GUCY1A2: variants seen among roughly 807,000 people sequenced by gnomAD.
GUCY1A2 encodes the protein guanylate cyclase 1 soluble subunit alpha 2.
Under a neutral mutation model 63.5 loss-of-function variants are expected in GUCY1A2, and 27 were observed. That is an observed-to-expected ratio of 0.43 (90% CI 0.31 to 0.59). The LOEUF (loss-of-function observed/expected upper bound fraction) is 0.59, where lower values mean the gene tolerates loss of function less well. Among genes scored for constraint, GUCY1A2 ranks in the 20% least tolerant of loss-of-function variants. GUCY1A2 has a pLI of 0.11. For synonymous variants in GUCY1A2, 364 were observed against 343.5 expected, an observed-to-expected ratio of 1.06 and a Z score of -0.66; for missense variants, 768 against 913.3, an observed-to-expected ratio of 0.84 and a Z score of 2.05.
intron 4 of GUCY1A2, among the ~76,000 whole-genome samples, chr11:106,867,093 A>C (rs1175926546): frequency 1.3e-5 from 2 of 152,070 alleles, no homozygotes; most frequent in African/African-American, 2.4e-5. Flanking sequence ...TTAATTAAAA[A>C]TAAAGTGCTA....
intron 4 of GUCY1A2, among the ~76,000 whole-genome samples, chr11:106,841,387 A>T (rs1283612406): frequency 6.6e-6 from 1 of 151,872 alleles, no homozygotes; most frequent in Non-Finnish European, 1.5e-5. Flanking sequence ...TGTATAATTA[A>T]AGTCCACCTT....
At chr11:107,010,454 T>C (rs1861727698) in intron 1 of GUCY1A2, among the ~76,000 whole-genome samples, 1 of 152,180 alleles carries the variant, frequency 6.6e-6, no homozygotes, top group Admixed American at 6.5e-5. Flanking sequence ...TAAAATATTA[T>C]ATAAATGGAC....
rs1195571424 is a variant in GUCY1A2, at chr11:106,846,015, C to T, written c.1207-35537G>A. Among the ~76,000 whole-genome samples the T allele has an allele frequency of 2.0e-5, 3 of 151,484 alleles. No homozygotes were observed. In the East Asian group the frequency reaches 5.8e-4, roughly 29 times the overall value. On this transcript the variant is annotated intron_variant, in intron 4 of 7. Transcript: ENST00000526355. ...ACAGCTCTTGCCAAAAACATTTAACCTAATCTAATCATGAGGAAACAATCA... is the reference window on the plus strand; with the variant it reads ...ACAGCTCTTGCCAAAAACATTTAACTTAATCTAATCATGAGGAAACAATCA...
intron 4 of GUCY1A2, among the ~76,000 whole-genome samples, chr11:106,885,143 T>C (rs969815365): frequency 9.2e-5 from 14 of 152,160 alleles, no homozygotes; most frequent in Non-Finnish European, 1.6e-4. Context: ...GTGTTGAAAG[T>C]GCTTCATTTT....
At chr11:106,913,599 AG>A (rs1183122406) in intron 4 of GUCY1A2, among the ~76,000 whole-genome samples, 40 of 152,102 alleles carry the variant, frequency 2.6e-4, no homozygotes, top group Admixed American at 2.5e-3. Context: ...ATTTCAACAT[AG>A]GATTTGGAAG....
At chr11:106,871,738 A>G (rs549847874) in intron 4 of GUCY1A2, among the ~76,000 whole-genome samples, 1 of 152,316 alleles carries the variant, frequency 6.6e-6, no homozygotes, top group South Asian at 2.1e-4. Context: ...AAGAAAAGGT[A>G]TGTCACATTA....
At chr11:106,872,858 G>A (rs10890617) in intron 4 of GUCY1A2, among the ~76,000 whole-genome samples, 40,210 of 152,000 alleles carry the variant, frequency 0.26, 5,947 homozygotes, top group Non-Finnish European at 0.33. Flanking sequence ...TGTTACATAG[G>A]TATACATGTG....
At chr11:106,807,440 C>A (rs1436239146) in intron 5 of GUCY1A2, among the ~76,000 whole-genome samples, 1 of 152,110 alleles carries the variant, frequency 6.6e-6, no homozygotes, top group African/African-American at 2.4e-5. Context: ...GGACTAATAT[C>A]ATTTTGTCTT....
chr11:106,863,804 T>C (rs1387603091), intron 4 of GUCY1A2, among the ~76,000 whole-genome samples: 1 of 152,168 alleles, frequency 6.6e-6, no homozygotes, highest in Non-Finnish European at 1.5e-5. Context: ...TCCTCTCTTA[T>C]TTCCTTAAGC....
intron 1 of GUCY1A2, among the ~76,000 whole-genome samples, chr11:106,999,827 T>G (rs78191798): frequency 6.6e-6 from 1 of 152,208 alleles, no homozygotes; most frequent in Non-Finnish European, 1.5e-5. Context: ...AATTGGATAT[T>G]TGTGTTCACT....
intron 6 of GUCY1A2, among the ~76,000 whole-genome samples, chr11:106,743,353 C>T (rs2135380126): frequency 6.6e-6 from 1 of 152,294 alleles, no homozygotes; most frequent in South Asian, 2.1e-4. Flanking sequence ...CTATTAGCTC[C>T]ACCCACATAT....
Position 107,018,045 on chromosome 11 carries a change from CT to C in GUCY1A2, c.10del (p.Arg4GlyfsTer94). ...GCTGAAGGACTCGGACGAAATCTTC[CT>C]TCGAGACATGCTGCCGGCGGAGCTG... MSR[R>X]KISSESFSSL... On this transcript the variant is annotated frameshift_variant, in exon 1 of 8. Coordinates refer to ENST00000526355, the MANE Select transcript of GUCY1A2 (RefSeq NM_000855.3). LOFTEE classifies it high-confidence loss of function. The C allele has an allele frequency of 6.8e-7, 1 of 1,464,384 alleles. No homozygotes were observed. The highest frequency in any genetic ancestry group is 9.1e-7 in the Non-Finnish European group (1 of 1,096,308). 90.7% of individuals were successfully genotyped at this position (1,464,384 alleles called of 1,614,324 possible).
In GUCY1A2 at chr11:106,685,413, G is replaced by GTT; in HGVS notation, c.*2135_*2136insAA. 4.6e-6 allele frequency: 1 copy of GTT among 218,646 alleles called. No individual in the cohort carries two copies. Among genetic ancestry groups the GTT allele is most frequent in the Non-Finnish European group, 9.2e-6 (1 of 108,940 alleles). 13.5% of individuals were successfully genotyped at this position (218,646 alleles called of 1,614,324 possible). ...TGGAGATAATAAATATGTGTTTAGAGTAGTTGCTTAGACAAATCTTTATAA... is the reference window on the plus strand; with the variant it reads ...TGGAGATAATAAATATGTGTTTAGAGTTTAGTTGCTTAGACAAATCTTTATAA... On this transcript the variant is annotated 3_prime_UTR_variant, in exon 8 of 8. Coordinates refer to ENST00000526355, the MANE Select transcript of GUCY1A2 (RefSeq NM_000855.3).
intron 4 of GUCY1A2, among the ~76,000 whole-genome samples, chr11:106,865,275 T>C (rs1350518619): frequency 1.3e-5 from 2 of 152,122 alleles, no homozygotes; most frequent in African/African-American, 2.4e-5. Context: ...TGTCCGATTC[T>C]TCTCTCTTTT....
At chr11:106,710,172 A>AATAGTTATATATATAAT (rs1863082540) in intron 6 of GUCY1A2, among the ~76,000 whole-genome samples, 1 of 80,362 alleles carries the variant, frequency 1.2e-5, no homozygotes, top group African/African-American at 5.0e-5. Context: ...ACATGTATAT[A>AATAGTTATATATATAAT]ATATAGTTAT....
At chr11:106,744,920 T>C (rs1413043344) in intron 6 of GUCY1A2, among the ~76,000 whole-genome samples, 1 of 152,228 alleles carries the variant, frequency 6.6e-6, no homozygotes, top group African/African-American at 2.4e-5. Context: ...CTTTGACATT[T>C]CTGAAAAGGC....
At chr11:106,759,137 C>T (rs1383056752) in intron 6 of GUCY1A2, among the ~76,000 whole-genome samples, 1 of 151,246 alleles carries the variant, frequency 6.6e-6, no homozygotes, top group Non-Finnish European at 1.5e-5. Context: ...CACATGTACC[C>T]CTTAATCTAA....
intron 5 of GUCY1A2, among the ~76,000 whole-genome samples, chr11:106,786,589 G>C (rs1020446670): frequency 6.6e-6 from 1 of 152,150 alleles, no homozygotes; most frequent in Non-Finnish European, 1.5e-5. Context: ...TTATCATAAA[G>C]GATATTGAAT....
intron 6 of GUCY1A2, among the ~76,000 whole-genome samples, chr11:106,732,367 T>G (rs1016846405): frequency 6.6e-6 from 1 of 152,150 alleles, no homozygotes. Flanking sequence ...AAAAATTAAC[T>G]AAAGATGGAT....
Sources: gnomAD v4.1 joint callset for allele counts (sites outside exome capture counted in the v4.1 genomes callset) on GRCh38, gnomAD v4.1.1 for gene constraint, MANE v1.5 for transcripts, NCBI Gene and HGNC (gene_info 2026-07-23, HGNC 2026-07-21) for gene names.